The following ARHGAP10 variants were observed in gnomAD, a reference collection of about 807,000 sequenced individuals.
The protein encoded by ARHGAP10 is Rho GTPase activating protein 10.
A neutral mutation model predicts 108.6 loss-of-function variants in ARHGAP10; 87 were observed. That is an observed-to-expected ratio of 0.80 (90% confidence interval 0.67 to 0.96). The LOEUF (loss-of-function observed/expected upper bound fraction) is 0.96, where lower values mean the gene tolerates loss of function less well. Among genes scored for constraint, ARHGAP10 ranks in the 40% least tolerant of loss-of-function variants. ARHGAP10 has a pLI of 0.00. For synonymous variants in ARHGAP10, 347 were observed against 341.1 expected (o/e 1.02, Z -0.19); for missense variants, 939 against 954.5 (o/e 0.98, Z 0.21).
intron 3 of ARHGAP10, among the ~76,000 whole-genome samples, chr4:147,843,873 G>A (rs1257091180): frequency 3.9e-5 from 6 of 152,098 alleles, no homozygotes; most frequent in South Asian, 2.1e-4. Flanking sequence ...CATTGCCATC[G>A]TTTACCTCTG....
chr4:148,067,905 G>C (rs1052424337), intron 22 of ARHGAP10, among the ~76,000 whole-genome samples: 4 of 152,152 alleles, frequency 2.6e-5, no homozygotes, highest in Non-Finnish European at 5.9e-5. Context: ...ATGAGTTCCA[G>C]TTCTAGGCGG....
chr4:147,906,808 A>G, intron 11 of ARHGAP10, 89 bp downstream of exon 11: 1 of 1,519,522 alleles, frequency 6.6e-7, no homozygotes, highest in Admixed American at 1.7e-5. Flanking sequence ...AGTATTTGAG[A>G]AAAGTTCCCT....
At chr4:147,954,589 C>G (rs939619355) in intron 15 of ARHGAP10, among the ~76,000 whole-genome samples, 19 of 151,802 alleles carry the variant, frequency 1.3e-4, no homozygotes, top group African/African-American at 4.6e-4. Context: ...TAATATCTTG[C>G]GAGATTACCC....
chr4:147,784,629 A>C (rs1397487779), intron 1 of ARHGAP10, among the ~76,000 whole-genome samples: 3 of 99,736 alleles, frequency 3.0e-5, no homozygotes, highest in Non-Finnish European at 5.3e-5. Context: ...AATATATATT[A>C]TATATTATAA....
chr4:147,779,562 T>C (rs1271727597), intron 1 of ARHGAP10, among the ~76,000 whole-genome samples: 2 of 152,072 alleles, frequency 1.3e-5, no homozygotes, highest in East Asian at 3.9e-4. Flanking sequence ...GAAGGCTGGA[T>C]GTTCAGTGAG....
chr4:147,732,789 GAGTC>G (rs1446396646), intron 1 of ARHGAP10, among the ~76,000 whole-genome samples: 2 of 152,220 alleles, frequency 1.3e-5, no homozygotes, highest in African/African-American at 4.8e-5. Context: ...TCCTGGCCCG[GAGTC>G]AGGTTTCATT....
At chr4:147,767,284 G>T (rs1159808844) in intron 1 of ARHGAP10, among the ~76,000 whole-genome samples, 2 of 152,024 alleles carry the variant, frequency 1.3e-5, no homozygotes, top group Admixed American at 1.3e-4. Flanking sequence ...ACAAAGATTG[G>T]TAAATACTAG....
intron 18 of ARHGAP10, among the ~76,000 whole-genome samples, chr4:147,983,755 C>T (rs1006276685): frequency 6.7e-6 from 1 of 150,092 alleles, no homozygotes; most frequent in African/African-American, 2.4e-5. Context: ...GATCTTGTTG[C>T]ATTTCTTTGC....
At chr4:147,976,541 GTT>G (rs56763356) in intron 18 of ARHGAP10, among the ~76,000 whole-genome samples, 2,122 of 140,436 alleles carry the variant, frequency 0.015, 55 homozygotes, top group African/African-American at 0.052. Context: ...TTTGTGTGTG[GTT>G]TTTTTTTTTT....
At chr4:147,856,457 C>T (rs960113021) in intron 4 of ARHGAP10, among the ~76,000 whole-genome samples, 6 of 152,170 alleles carry the variant, frequency 3.9e-5, no homozygotes, top group Admixed American at 2.0e-4. Context: ...ATCTGAAATC[C>T]GATATGCTCC....
At chr4:147,843,654 G>C (rs1293685090) in intron 3 of ARHGAP10, among the ~76,000 whole-genome samples, 2 of 152,168 alleles carry the variant, frequency 1.3e-5, no homozygotes, top group Non-Finnish European at 2.9e-5. Context: ...AGCCTCCCGA[G>C]TAGCTGGGAT....
intron 18 of ARHGAP10, among the ~76,000 whole-genome samples, chr4:147,992,169 A>G (rs1388215461): frequency 6.6e-6 from 1 of 152,156 alleles, no homozygotes; most frequent in African/African-American, 2.4e-5. Flanking sequence ...GTGACCCTGG[A>G]GGGCAGAATC....
chr4:147,924,412 C>T (rs112535700), intron 13 of ARHGAP10, among the ~76,000 whole-genome samples: 140 of 152,212 alleles, frequency 9.2e-4, no homozygotes, highest in Middle Eastern at 3.4e-3. Flanking sequence ...TCCTCTTTAA[C>T]GCATCCACAG....
chr4:147,737,297 C>T (rs1484272666), intron 1 of ARHGAP10, among the ~76,000 whole-genome samples: 6 of 151,334 alleles, frequency 4.0e-5, no homozygotes, highest in African/African-American at 7.3e-5. Flanking sequence ...ATTACGGGCA[C>T]GCGCCACCAT....
chr4:148,011,422 G>C (rs776096468), intron 18 of ARHGAP10, among the ~76,000 whole-genome samples: 2 of 152,172 alleles, frequency 1.3e-5, no homozygotes, highest in Non-Finnish European at 2.9e-5. Flanking sequence ...TGACTCACAG[G>C]CTGGGCTCCC....
intron 10 of ARHGAP10, among the ~76,000 whole-genome samples, chr4:147,900,951 C>T (rs937409997): frequency 6.6e-5 from 10 of 152,090 alleles, no homozygotes; most frequent in East Asian, 1.9e-4. Flanking sequence ...TATTTAAATG[C>T]GAATAATCCA....
chr4:147,884,896 T>G (rs554789078), intron 10 of ARHGAP10, among the ~76,000 whole-genome samples: 1 of 152,290 alleles, frequency 6.6e-6, no homozygotes, highest in African/African-American at 2.4e-5. Flanking sequence ...GAGTGACAAT[T>G]ATATTTGTAT....
At chr4:147,765,799 C>T (rs968928257) in intron 1 of ARHGAP10, among the ~76,000 whole-genome samples, 6 of 151,456 alleles carry the variant, frequency 4.0e-5, no homozygotes, top group Admixed American at 1.3e-4. Context: ...GACCCTGTCT[C>T]GATAAAAACA....
At position 147,872,569 on chromosome 4, in the gene ARHGAP10, C is replaced by T. The variant is rs76170971; in HGVS notation, c.703-2452C>T. Among the ~76,000 whole-genome samples, 609 of 152,280 alleles carry T rather than the reference C, an allele frequency of 4.0e-3. 6 individuals carry two copies. The highest frequency in any genetic ancestry group is 0.02 in the Middle Eastern group (6 of 294). Reference sequence around the variant, plus strand: ...ATGTCTGCGTGTAACTTTTGACTTCCCCCAAATTTGACTACTAATCGCCTA... The same window carrying T: ...ATGTCTGCGTGTAACTTTTGACTTCTCCCAAATTTGACTACTAATCGCCTA... On this transcript the variant is annotated intron_variant, in intron 7 of 22. Coordinates refer to ENST00000336498, the MANE Select transcript of ARHGAP10 (RefSeq NM_024605.4).
Sources: gnomAD v4.1 joint callset for allele counts (sites outside exome capture counted in the v4.1 genomes callset) on GRCh38, gnomAD v4.1.1 for gene constraint, MANE v1.5 for transcripts, NCBI Gene and HGNC (gene_info 2026-07-23, HGNC 2026-07-21) for gene names.